The following FANCA variants were observed in gnomAD, a reference collection of about 807,000 sequenced individuals.
FANCA encodes FA complementation group A.
FANCA carries 236 observed loss-of-function variants against 194.3 expected under a neutral mutation model. The ratio of observed to expected loss-of-function variants is 1.21; its 90% CI spans 1.09 to 1.35. FANCA has a LOEUF of 1.35. FANCA is among the 40% of genes most tolerant of loss of function. The pLI, the probability that FANCA is intolerant of heterozygous loss-of-function variation, is 0.00. For missense variants in FANCA, 2,628 were observed against 1,813.9 expected (o/e 1.45, Z -8.15); for synonymous variants, 1,014 against 715.8 (o/e 1.42, Z -6.65).
chr16:89,739,549 G>A lies in FANCA; in HGVS notation c.3939C>T (p.Leu1313=). 6.4e-7 allele frequency: 1 copy of A among 1,551,238 alleles called. No individual in the cohort carries two copies. The highest frequency in any genetic ancestry group is 8.7e-7 in the Non-Finnish European group (1 of 1,147,012). Residue 1313 remains leucine, a synonymous_variant, in exon 40 of 43, where the codon CTC becomes CTT. Coordinates refer to ENST00000389301, the MANE Select transcript of FANCA (RefSeq NM_000135.4). ...CACGGAGGAGGAGCCGCCCCAGCCTGAGGTCTGCAACACCAAGAAGTGGCT... is the reference window on the plus strand; with the variant it reads ...CACGGAGGAGGAGCCGCCCCAGCCTAAGGTCTGCAACACCAAGAAGTGGCT... The part of the protein sequence containing the change: ...LALFQLTESD[L]RLGRLLLRVA...
At chr16:89,740,891 T>G (rs1180855900) in intron 37 of FANCA, 25 bp from the exon 38 acceptor site, 3 of 1,590,614 alleles carry the variant, frequency 1.9e-6, no homozygotes, top group Middle Eastern at 1.7e-4. Flanking sequence ...GTGCACTTAT[T>G]ATTACATTAA....
intron 1 of FANCA, 59 bp downstream of exon 1, chr16:89,816,478 C>G: frequency 7.1e-7 from 1 of 1,403,314 alleles, no homozygotes; most frequent in Non-Finnish European, 9.3e-7. Flanking sequence ...ATCGGGGAAC[C>G]GGCGAAACCG....
intron 21 of FANCA, among the ~76,000 whole-genome samples, chr16:89,774,729 CAAAAAAA>C (rs780078944): frequency 1.3e-3 from 28 of 22,196 alleles, no homozygotes; most frequent in Admixed American, 1.6e-3. Context: ...GACTCTGTCT[CAAAAAAA>C]AAAAAAAAAA....
intron 6 of FANCA, among the ~76,000 whole-genome samples, chr16:89,806,806 C>G (rs551726700): frequency 7.3e-4 from 111 of 152,354 alleles, no homozygotes; most frequent in African/African-American, 2.0e-3. Flanking sequence ...ACCCTTCCCC[C>G]CTTTGTATTC....
intron 7 of FANCA, 99 bp downstream of exon 7, chr16:89,805,181 G>T: frequency 2.2e-6 from 2 of 908,354 alleles, no homozygotes; most frequent in Non-Finnish European, 1.8e-6. Flanking sequence ...GCCACGGAGA[G>T]ACAGGCTGTT....
At chr16:89,762,792 A>T (rs940306607) in intron 28 of FANCA, 28 of 450,892 alleles carry the variant, frequency 6.2e-5, no homozygotes, top group African/African-American at 5.0e-4. Context: ...CACCATGACC[A>T]GCTAAGTTTT....
intron 8 of FANCA, among the ~76,000 whole-genome samples, chr16:89,802,741 C>T (rs1396928753): frequency 1.3e-5 from 2 of 152,052 alleles, no homozygotes; most frequent in Admixed American, 6.6e-5. Context: ...CTGTCATTCA[C>T]AGCAACAGGA....
chr16:89,758,427 A>G, intron 30 of FANCA, 150 bp downstream of exon 30: 1 of 864,138 alleles, frequency 1.2e-6, no homozygotes, highest in Non-Finnish European at 1.9e-6. Context: ...GGGTGTTGCC[A>G]AAGGAGACTG....
At chr16:89,790,529 G>C (rs904288896) in intron 14 of FANCA, among the ~76,000 whole-genome samples, 1 of 152,098 alleles carries the variant, frequency 6.6e-6, no homozygotes, top group Non-Finnish European at 1.5e-5. Flanking sequence ...AGGAGTTAGA[G>C]ACCAGCCTGA....
chr16:89,783,551 C>CA (rs769729527), intron 15 of FANCA, among the ~76,000 whole-genome samples: 9,009 of 127,984 alleles, frequency 0.07, 417 homozygotes, highest in East Asian at 0.24. Context: ...ACTTCATTTC[C>CA]AAAAAAAAAA....
chr16:89,810,004 C>T (rs1211522708), intron 5 of FANCA, among the ~76,000 whole-genome samples: 3 of 151,832 alleles, frequency 2.0e-5, no homozygotes, highest in East Asian at 1.9e-4. Context: ...CCAGCCTGGG[C>T]GGCAGAGCAA....
chr16:89,805,184 A>C (rs35218492), intron 7 of FANCA, 96 bp downstream of exon 7: 40 of 924,588 alleles, frequency 4.3e-5, no homozygotes, highest in South Asian at 1.4e-4. Flanking sequence ...ACGGAGAGAC[A>C]GGCTGTTCTG....
chr16:89,808,983 G>A (rs188017732), intron 5 of FANCA, among the ~76,000 whole-genome samples: 199 of 151,804 alleles, frequency 1.3e-3, no homozygotes, highest in Middle Eastern at 3.4e-3. Context: ...TCGGGTCACT[G>A]TAAGCTCTGC....
intron 17 of FANCA, 109 bp downstream of exon 17, chr16:89,782,750 G>T: frequency 1.0e-6 from 1 of 988,998 alleles, no homozygotes; most frequent in Non-Finnish European, 1.6e-6. Context: ...GGCAAGACCA[G>T]ACATGAGACT....
intron 3 of FANCA, among the ~76,000 whole-genome samples, chr16:89,811,726 AT>A (rs79432713): frequency 2.0e-5 from 3 of 151,124 alleles, no homozygotes; most frequent in Non-Finnish European, 3.0e-5. Context: ...TCCAAAATTA[AT>A]TTTTTTTTGT....
chr16:89,765,593 C>G (rs891334703), intron 27 of FANCA, among the ~76,000 whole-genome samples: 17 of 152,262 alleles, frequency 1.1e-4, no homozygotes, highest in African/African-American at 3.6e-4. Context: ...CAGCCCATCT[C>G]TAGGCCTCTG....
intron 30 of FANCA, among the ~76,000 whole-genome samples, chr16:89,758,300 C>G (rs2038830358): frequency 6.6e-6 from 1 of 152,168 alleles, no homozygotes; most frequent in Non-Finnish European, 1.5e-5. Flanking sequence ...GAGAAAAATG[C>G]ATTCTTAGAA....
rs1337991641 is a variant in FANCA at position 89,737,663 on chromosome 16, A to T, written c.*938T>A. 6 of 1,489,016 alleles carry T rather than the reference A, an allele frequency of 4.0e-6. No homozygotes were observed. The highest frequency in any genetic ancestry group is 2.7e-5 in the South Asian group (2 of 74,500). The allele number at this position is 1,489,016 out of a possible 1,614,324, so 92.2% of individuals were successfully genotyped here. On this transcript the variant is annotated 3_prime_UTR_variant, in exon 43 of 43. Coordinates refer to ENST00000389301, the MANE Select transcript of FANCA (RefSeq NM_000135.4). ...AAAGATCTTAATAAACGAGGCCCTC[A>T]TAGGCCCCTTGCTTGGGCCCACTGC...
intron 21 of FANCA, among the ~76,000 whole-genome samples, chr16:89,773,810 G>T (rs1261543709): frequency 7.0e-6 from 1 of 142,756 alleles, no homozygotes; most frequent in Admixed American, 7.3e-5. Flanking sequence ...CTCTTGCTCT[G>T]TCACCACGCT....
Sources: allele counts gnomAD v4.1 joint callset (sites outside exome capture counted in the v4.1 genomes callset), GRCh38; gene constraint gnomAD v4.1.1; transcripts MANE v1.5; gene names NCBI Gene and HGNC (gene_info 2026-07-23, HGNC 2026-07-21).